BTBD9: variants seen among roughly 807,000 people sequenced by gnomAD.
BTBD9 encodes BTB domain containing 9.
BTBD9 carries 49 observed loss-of-function variants against 64.3 expected under a neutral mutation model. That is an observed-to-expected ratio of 0.76 (90% CI 0.61 to 0.97). The LOEUF (loss-of-function observed/expected upper bound fraction) is 0.97. Among genes scored for constraint, BTBD9 ranks in the 50% least tolerant of loss-of-function variants. The probability of loss-of-function intolerance (pLI) is 0.00; values close to 1 mark genes in which losing one functional copy is unlikely to be tolerated. For synonymous variants in BTBD9, 260 were observed against 274.7 expected (o/e 0.95, Z 0.53); for missense variants, 598 against 762.1 (o/e 0.78, Z 2.53).
chr6:38,633,805 T>TACATCTCTATACGCGTCATGGCC (rs1445522041), intron 1 of BTBD9, among the ~76,000 whole-genome samples: 1 of 152,144 alleles, frequency 6.6e-6, no homozygotes, highest in Non-Finnish European at 1.5e-5. Flanking sequence ...AAAAAAAATA[T>TACATCTCTATACGCGTCATGGCC]ACATCTCTAT....
intron 7 of BTBD9, among the ~76,000 whole-genome samples, chr6:38,334,766 C>A (rs988845859): frequency 6.6e-6 from 1 of 152,090 alleles, no homozygotes; most frequent in East Asian, 1.9e-4. Context: ...TAAGGGAATA[C>A]ATAAGTAGAG....
chr6:38,484,069 G>A (rs1254925239), intron 6 of BTBD9, among the ~76,000 whole-genome samples: 3 of 152,156 alleles, frequency 2.0e-5, no homozygotes, highest in African/African-American at 7.2e-5. Context: ...TATTGTGGGT[G>A]CTCCGTAAAC....
At chr6:38,408,592 A>G (rs916345128) in intron 6 of BTBD9, among the ~76,000 whole-genome samples, 3 of 152,214 alleles carry the variant, frequency 2.0e-5, no homozygotes, top group Non-Finnish European at 2.9e-5. Context: ...TGTTAAGGTC[A>G]CTATATTTGC....
At chr6:38,416,002 T>C (rs928102129) in intron 6 of BTBD9, among the ~76,000 whole-genome samples, 2 of 152,202 alleles carry the variant, frequency 1.3e-5, no homozygotes, top group Non-Finnish European at 2.9e-5. Context: ...ATTGGCTAGA[T>C]GTAGCATCAA....
At chr6:38,455,527 G>A (rs1769756627) in intron 6 of BTBD9, among the ~76,000 whole-genome samples, 4 of 152,142 alleles carry the variant, frequency 2.6e-5, no homozygotes, top group Non-Finnish European at 5.9e-5. Flanking sequence ...GTAGCCTTTT[G>A]AATCTTGCTT....
At chr6:38,391,633 C>CTTTTTTTTTTTTTTTTT (rs11350619) in intron 6 of BTBD9, among the ~76,000 whole-genome samples, 1 of 141,170 alleles carries the variant, frequency 7.1e-6, no homozygotes. Context: ...GCTTGTTTTT[C>CTTTTTTTTTTTTTTTTT]TTTTTTTTTT....
At chr6:38,388,721 T>C (rs961182484) in intron 6 of BTBD9, among the ~76,000 whole-genome samples, 1 of 152,318 alleles carries the variant, frequency 6.6e-6, no homozygotes, top group African/African-American at 2.4e-5. Context: ...TGTATATGTA[T>C]AAAAACACCT....
At chr6:38,180,563 T>TC (rs1330971580) in intron 10 of BTBD9, among the ~76,000 whole-genome samples, 1 of 136,532 alleles carries the variant, frequency 7.3e-6, no homozygotes, top group Non-Finnish European at 1.6e-5. Context: ...CTGAGTCTCT[T>TC]TGCTCAGAAG....
At chr6:38,424,826 T>C (rs1768073833) in intron 6 of BTBD9, among the ~76,000 whole-genome samples, 1 of 151,460 alleles carries the variant, frequency 6.6e-6, no homozygotes. Flanking sequence ...CTATTTATCT[T>C]ATTTTATTTT....
chr6:38,421,276 A>G (rs1460807484), intron 6 of BTBD9, among the ~76,000 whole-genome samples: 1 of 152,152 alleles, frequency 6.6e-6, no homozygotes, highest in African/African-American at 2.4e-5. Context: ...GAATCACTTC[A>G]ACCCAGGAAG....
chr6:38,494,171 G>C (rs1463309407), intron 6 of BTBD9, among the ~76,000 whole-genome samples: 2 of 152,206 alleles, frequency 1.3e-5, no homozygotes, highest in Admixed American at 1.3e-4. Flanking sequence ...AGTTTCAAAG[G>C]ACAAAGTTCA....
chr6:38,635,630 G>C (rs760462803), intron 1 of BTBD9, among the ~76,000 whole-genome samples: 1 of 152,150 alleles, frequency 6.6e-6, no homozygotes, highest in Non-Finnish European at 1.5e-5. Context: ...GACATGATCA[G>C]TTCAGCCCCC....
chr6:38,490,331 T>C (rs1562255915), intron 6 of BTBD9, among the ~76,000 whole-genome samples: 1 of 151,676 alleles, frequency 6.6e-6, no homozygotes, highest in Non-Finnish European at 1.5e-5. Context: ...TTCTTTTTTC[T>C]TTTTTTTGAG....
chr6:38,531,872 A>C (rs1773816174), intron 6 of BTBD9, among the ~76,000 whole-genome samples: 1 of 152,194 alleles, frequency 6.6e-6, no homozygotes, highest in East Asian at 1.9e-4. Context: ...GGGAGAAGGC[A>C]CAGCAAGATG....
chr6:38,292,866 G>T (rs184332313), intron 7 of BTBD9, among the ~76,000 whole-genome samples: 1 of 152,150 alleles, frequency 6.6e-6, no homozygotes, highest in East Asian at 1.9e-4. Flanking sequence ...GCGAGTTTTT[G>T]AATTTGTTTG....
intron 6 of BTBD9, among the ~76,000 whole-genome samples, chr6:38,502,011 G>T (rs1247193165): frequency 2.6e-5 from 4 of 152,200 alleles, no homozygotes; most frequent in South Asian, 2.1e-4. Context: ...ACAAAAGTTT[G>T]AGAACTACTG....
chr6:38,368,756 T>G (rs1765294070), intron 6 of BTBD9, among the ~76,000 whole-genome samples: 1 of 152,200 alleles, frequency 6.6e-6, no homozygotes, highest in African/African-American at 2.4e-5. Flanking sequence ...CTGGATCCCC[T>G]GGAGCCTACC....
intron 9 of BTBD9, among the ~76,000 whole-genome samples, chr6:38,233,191 T>C (rs976007044): frequency 6.6e-6 from 1 of 152,192 alleles, no homozygotes; most frequent in Non-Finnish European, 1.5e-5. Flanking sequence ...TGTAATTCAA[T>C]TTTTTAAAAA....
At chr6:38,369,964 A>C (rs570398961) in intron 6 of BTBD9, among the ~76,000 whole-genome samples, 58 of 152,358 alleles carry the variant, frequency 3.8e-4, no homozygotes, top group African/African-American at 1.3e-3. Flanking sequence ...AGGAGACTAC[A>C]CAGGCCTGGA....
Sources: gnomAD v4.1 joint callset for allele counts (sites outside exome capture counted in the v4.1 genomes callset) on GRCh38, gnomAD v4.1.1 for gene constraint, MANE v1.5 for transcripts, NCBI Gene and HGNC (gene_info 2026-07-23, HGNC 2026-07-21) for gene names.